Variants in SCFD2 observed in about 807,000 individuals in gnomAD.
SCFD2 encodes sec1 family domain-containing protein 2.
In SCFD2, 54 loss-of-function variants were observed where a neutral mutation model predicts 58.9. The ratio of observed to expected loss-of-function variants is 0.92; its 90% CI spans 0.74 to 1.15. SCFD2 has a LOEUF of 1.15. Among genes scored for constraint, SCFD2 ranks in the 50% most tolerant of loss-of-function variants. The pLI is 0.00. For synonymous variants in SCFD2, 321 were observed against 335.9 expected (o/e 0.96, Z 0.49); for missense variants, 805 against 836.6 (o/e 0.96, Z 0.47).
chr4:53,157,392 A>G (rs1726722993), intron 4 of SCFD2, among the ~76,000 whole-genome samples: 1 of 152,226 alleles, frequency 6.6e-6, no homozygotes, highest in South Asian at 2.1e-4. Context: ...GAGTTTAGAT[A>G]CAGCATCAAA....
intron 2 of SCFD2, among the ~76,000 whole-genome samples, chr4:53,328,467 G>A (rs1217124588): frequency 1.3e-5 from 2 of 152,176 alleles, no homozygotes; most frequent in East Asian, 3.9e-4. Flanking sequence ...ACAGAAGTCA[G>A]GGGATCTCAT....
At chr4:53,119,952 C>T (rs1308698869) in intron 5 of SCFD2, among the ~76,000 whole-genome samples, 4 of 152,112 alleles carry the variant, frequency 2.6e-5, no homozygotes, top group East Asian at 1.9e-4. Context: ...ATTACCTTCC[C>T]TCAAACAGGC....
intron 4 of SCFD2, among the ~76,000 whole-genome samples, chr4:53,157,636 G>A (rs1726730440): frequency 1.3e-5 from 2 of 151,874 alleles, no homozygotes; most frequent in Admixed American, 1.3e-4. Flanking sequence ...CTGGAAATAT[G>A]GTTACTCTTC....
At chr4:53,210,635 ATATT>A (rs994886217) in intron 4 of SCFD2, among the ~76,000 whole-genome samples, 1 of 152,082 alleles carries the variant, frequency 6.6e-6, no homozygotes. Flanking sequence ...GTTATCATAT[ATATT>A]TATTTCTATT....
intron 3 of SCFD2, among the ~76,000 whole-genome samples, chr4:53,285,972 G>C (rs1460003809): frequency 6.6e-6 from 1 of 152,128 alleles, no homozygotes; most frequent in Non-Finnish European, 1.5e-5. Flanking sequence ...AAGCTGCTTT[G>C]CACAGCACCA....
At chr4:53,220,497 A>G (rs146125943) in intron 4 of SCFD2, among the ~76,000 whole-genome samples, 121 of 152,320 alleles carry the variant, frequency 7.9e-4, no homozygotes, top group African/African-American at 2.8e-3. Context: ...TAACTAAGTA[A>G]TTTCTGTGTG....
At chr4:53,145,097 G>T (rs562159138) in intron 5 of SCFD2, among the ~76,000 whole-genome samples, 36 of 152,274 alleles carry the variant, frequency 2.4e-4, no homozygotes, top group African/African-American at 8.2e-4. Flanking sequence ...ATGATGTGAG[G>T]TGGAACGGTT....
intron 5 of SCFD2, among the ~76,000 whole-genome samples, chr4:53,015,720 T>C (rs1722196982): frequency 6.6e-6 from 1 of 152,168 alleles, no homozygotes. Flanking sequence ...TAAAATATAT[T>C]CTACCTTTAA....
At chr4:53,047,080 T>C (rs1723059513) in intron 5 of SCFD2, among the ~76,000 whole-genome samples, 1 of 152,200 alleles carries the variant, frequency 6.6e-6, no homozygotes, top group Non-Finnish European at 1.5e-5. Context: ...TTCCAAAAAT[T>C]GTTCTATAAC....
intron 5 of SCFD2, among the ~76,000 whole-genome samples, chr4:52,975,324 G>GA (rs1721223368): frequency 6.6e-6 from 1 of 151,968 alleles, no homozygotes; most frequent in African/African-American, 2.4e-5. Flanking sequence ...AAATTTATAA[G>GA]AAAAAAACAA....
intron 4 of SCFD2, among the ~76,000 whole-genome samples, chr4:53,256,613 A>G (rs866534825): frequency 2.0e-5 from 3 of 152,106 alleles, no homozygotes; most frequent in African/African-American, 7.2e-5. Context: ...ACGAGACTCC[A>G]TCTGCAATCC....
At chr4:53,329,889 G>C (rs900041477) in intron 2 of SCFD2, among the ~76,000 whole-genome samples, 1 of 151,976 alleles carries the variant, frequency 6.6e-6, no homozygotes, top group African/African-American at 2.4e-5. Flanking sequence ...CCAATACAGA[G>C]AAGTGCTTAA....
At chr4:53,361,756 T>C (rs556588080) in intron 1 of SCFD2, among the ~76,000 whole-genome samples, 43 of 152,332 alleles carry the variant, frequency 2.8e-4, no homozygotes, top group African/African-American at 1.0e-3. Flanking sequence ...CTTTCTTAAG[T>C]TTTCCTGTGA....
intron 3 of SCFD2, among the ~76,000 whole-genome samples, chr4:53,289,844 A>T (rs1303805757): frequency 6.6e-6 from 1 of 152,204 alleles, no homozygotes; most frequent in African/African-American, 2.4e-5. Flanking sequence ...AGCTATACTT[A>T]GATAAAATAG....
chr4:53,285,060 G>A (rs1731624276), intron 3 of SCFD2, among the ~76,000 whole-genome samples: 1 of 152,178 alleles, frequency 6.6e-6, no homozygotes, highest in Admixed American at 6.5e-5. Flanking sequence ...TCAGAAATCT[G>A]CTGAAAGATC....
chr4:52,964,606 G>T (rs1371266365), intron 5 of SCFD2, among the ~76,000 whole-genome samples: 1 of 152,000 alleles, frequency 6.6e-6, no homozygotes, highest in Non-Finnish European at 1.5e-5. Flanking sequence ...AACAAAGTGG[G>T]TTTGCAATGT....
chr4:53,202,512 CT>C (rs1423949262), intron 4 of SCFD2, among the ~76,000 whole-genome samples: 1 of 151,476 alleles, frequency 6.6e-6, no homozygotes, highest in Non-Finnish European at 1.5e-5. Flanking sequence ...AATGCAGGCT[CT>C]TTTTTGGTTC....
intron 2 of SCFD2, among the ~76,000 whole-genome samples, chr4:53,314,931 C>G (rs1359871481): frequency 2.6e-5 from 4 of 152,104 alleles, no homozygotes; most frequent in Non-Finnish European, 5.9e-5. Context: ...ATCTAATATT[C>G]TTAAGTTTAA....
chr4:53,259,695 A>T (rs1730769719), intron 4 of SCFD2, among the ~76,000 whole-genome samples: 1 of 152,120 alleles, frequency 6.6e-6, no homozygotes, highest in African/African-American at 2.4e-5. Context: ...TGCTTTGGCT[A>T]TGCGGGCTCT....
Sources: allele counts gnomAD v4.1 joint callset (sites outside exome capture counted in the v4.1 genomes callset), GRCh38; gene constraint gnomAD v4.1.1; transcripts MANE v1.5; gene names NCBI Gene and HGNC (gene_info 2026-07-23, HGNC 2026-07-21).